PLXDC2: variants seen among roughly 807,000 people sequenced by gnomAD.
PLXDC2 encodes the protein plexin domain-containing protein 2.
A neutral mutation model predicts 68.9 loss-of-function variants in PLXDC2; 40 were observed. The observed-to-expected ratio is 0.58, with a 90% CI of 0.45 to 0.76. The LOEUF (loss-of-function observed/expected upper bound fraction) is 0.76. PLXDC2 is among the 30% of genes least tolerant of loss of function. The pLI is 0.00. For missense variants in PLXDC2, 644 were observed against 661.9 expected, an observed-to-expected ratio of 0.97 and a Z score of 0.30; for synonymous variants, 243 against 234.2, an observed-to-expected ratio of 1.04 and a Z score of -0.34.
At chr10:20,133,997 T>A (rs1482520094) in intron 4 of PLXDC2, among the ~76,000 whole-genome samples, 2 of 152,178 alleles carry the variant, frequency 1.3e-5, no homozygotes, top group Non-Finnish European at 2.9e-5. Flanking sequence ...CTGTTGAACC[T>A]CTCTATGGAA....
chr10:19,978,758 G>A (rs1283510303), intron 1 of PLXDC2, among the ~76,000 whole-genome samples: 1 of 152,194 alleles, frequency 6.6e-6, no homozygotes, highest in African/African-American at 2.4e-5. Flanking sequence ...CAGCACTTTA[G>A]TTTTGATTAC....
intron 1 of PLXDC2, among the ~76,000 whole-genome samples, chr10:19,993,699 C>T (rs1399365096): frequency 2.6e-5 from 4 of 152,158 alleles, no homozygotes; most frequent in African/African-American, 4.8e-5. Flanking sequence ...GGATTACAGG[C>T]GTCAGCAACA....
chr10:19,929,311 G>A (rs968923715), intron 1 of PLXDC2, among the ~76,000 whole-genome samples: 4 of 152,122 alleles, frequency 2.6e-5, no homozygotes, highest in Non-Finnish European at 5.9e-5. Context: ...GGACCAGAGA[G>A]ACCCCTTGAT....
At chr10:19,847,259 C>G (rs1837026123) in intron 1 of PLXDC2, among the ~76,000 whole-genome samples, 1 of 152,104 alleles carries the variant, frequency 6.6e-6, no homozygotes. Context: ...TGCATGCTTT[C>G]TATATTTGTT....
chr10:20,170,260 G>A (rs1258437287), intron 7 of PLXDC2, among the ~76,000 whole-genome samples: 1 of 152,094 alleles, frequency 6.6e-6, no homozygotes, highest in Non-Finnish European at 1.5e-5. Flanking sequence ...GGACGATCTT[G>A]GCTCACTGCA....
In PLXDC2 at chr10:20,064,377, C is replaced by T. The variant is rs567058010; in HGVS notation, c.472-3793C>T. 3.8e-4 allele frequency among the ~76,000 whole-genome samples: 58 copies of T among 152,004 alleles called. 1 individual carries two copies. The South Asian group carries it at 9.8e-3, about 26-fold the overall frequency. ...CTAGGACTACAGGCGCCCACCACCA[C>T]GCCCATCTAATTTTTTGTATTTTTA... On this transcript the variant is annotated intron_variant, in intron 3 of 13. Transcript: ENST00000377252.
intron 9 of PLXDC2, among the ~76,000 whole-genome samples, chr10:20,184,152 TA>T: frequency 6.6e-6 from 1 of 151,884 alleles, no homozygotes; most frequent in East Asian, 1.9e-4. Flanking sequence ...ACAACTTTTC[TA>T]CATTTTTCAA....
chr10:20,245,573 C>A, intron 13 of PLXDC2, 68 bp downstream of exon 13: 1 of 1,482,868 alleles, frequency 6.7e-7, no homozygotes, highest in South Asian at 1.3e-5. Context: ...CTAACACCAC[C>A]TGGATTTAAT....
chr10:20,219,134 CT>C (rs1835178639), intron 12 of PLXDC2, 32 bp downstream of exon 12: 1 of 1,576,532 alleles, frequency 6.3e-7, no homozygotes. Context: ...TCATAAACAT[CT>C]TTTAAATATG....
chr10:19,934,697 A>G (rs1158846528), intron 1 of PLXDC2, among the ~76,000 whole-genome samples: 1 of 152,238 alleles, frequency 6.6e-6, no homozygotes, highest in Non-Finnish European at 1.5e-5. Flanking sequence ...TGATTAAAAT[A>G]AACACAGTGT....
chr10:20,189,310 T>C (rs1834728478), intron 9 of PLXDC2, among the ~76,000 whole-genome samples: 1 of 150,582 alleles, frequency 6.6e-6, no homozygotes, highest in African/African-American at 2.4e-5. Context: ...AGGGCTTCCC[T>C]TTGGAGAACC....
chr10:19,822,618 C>T (rs573856489), intron 1 of PLXDC2, among the ~76,000 whole-genome samples: 77 of 152,294 alleles, frequency 5.1e-4, no homozygotes, highest in African/African-American at 1.8e-3. Flanking sequence ...CTTTTCTCCA[C>T]ATCCTCACCC....
chr10:20,174,698 C>T (rs371834874), intron 7 of PLXDC2, among the ~76,000 whole-genome samples: 5 of 151,734 alleles, frequency 3.3e-5, no homozygotes, highest in South Asian at 2.1e-4. Context: ...ATGTAAATGA[C>T]GAGTTAATGG....
chr10:20,188,868 C>T (rs1291327355), intron 9 of PLXDC2, among the ~76,000 whole-genome samples: 1 of 151,442 alleles, frequency 6.6e-6, no homozygotes, highest in Non-Finnish European at 1.5e-5. Context: ...TATTGCTATC[C>T]AAGTGGTAAT....
intron 1 of PLXDC2, among the ~76,000 whole-genome samples, chr10:19,992,733 C>A (rs905800848): frequency 1.3e-5 from 2 of 152,180 alleles, no homozygotes; most frequent in African/African-American, 4.8e-5. Flanking sequence ...TTACTTTCTG[C>A]TCCGTTTTTA....
intron 9 of PLXDC2, among the ~76,000 whole-genome samples, chr10:20,200,718 T>C (rs1039876440): frequency 2.0e-4 from 30 of 152,028 alleles, no homozygotes; most frequent in Admixed American, 6.6e-4. Context: ...GTAAATGACC[T>C]GAACAGATAT....
rs560802482 is a variant in PLXDC2, at chr10:20,022,951, G to A, written c.324+20965G>A. Among the ~76,000 whole-genome samples the A allele has an allele frequency of 1.3e-4, 19 of 151,848 alleles. 1 individual carries two copies. The South Asian group carries it at 4.0e-3, about 32-fold the overall frequency. ...CCAATACCTTGGATTATTTAAATAT[G>A]TTCTACTCTACCTCCAAAGGGGGAG... On this transcript the variant is annotated intron_variant, in intron 2 of 13. Coordinates refer to ENST00000377252, the MANE Select transcript of PLXDC2 (RefSeq NM_032812.9).
chr10:20,217,526 C>G lies in PLXDC2; in HGVS notation c.1223C>G (p.Thr408Ser). 6.2e-7 allele frequency: 1 copy of G among 1,611,394 alleles called. No individual in the cohort carries two copies. Among genetic ancestry groups the G allele is most frequent in the South Asian group, 1.1e-5 (1 of 90,886 alleles). Residue 408 changes from threonine to serine, a missense_variant, in exon 11 of 14, where the codon ACC (threonine) becomes AGC (serine). Thr to Ser is a moderately conservative substitution (Grantham distance 58). Around this residue, in one of 3 missense-constraint regions of PLXDC2, gnomAD observed 330 missense variants for 327.9 expected, o/e 1.01. Coordinates refer to ENST00000377252, the MANE Select transcript of PLXDC2 (RefSeq NM_032812.9). ...ATTTQFRVLT[T>S]TRRAVTSQFP... ...ACCACCCAGTTCAGGGTCCTAACTA[C>G]CACCAGAAGAGCAGTGACTTCTCAG...
Position 19,965,723 on chromosome 10 carries a change from G to T in PLXDC2, c.113-36052G>T, listed in dbSNP as rs966645886. 2.0e-5 allele frequency among the ~76,000 whole-genome samples: 3 copies of T among 147,404 alleles called. No individual in the cohort carries two copies. The Admixed American group carries it at 2.0e-4, about 10-fold the overall frequency. ...CTCTGGAAAACAGTTTTTTTTGGGG[G>T]GGGGGGTTACATAATTCAATGAAAG... On this transcript the variant is annotated intron_variant, in intron 1 of 13. Transcript: ENST00000377252.
Sources: gnomAD v4.1 joint callset for allele counts (sites outside exome capture counted in the v4.1 genomes callset) on GRCh38, gnomAD v4.1.1 for gene constraint, gnomAD v4.1.1 regional missense constraint, MANE v1.5 for transcripts, NCBI Gene and HGNC (gene_info 2026-07-23, HGNC 2026-07-21) for gene names.